ARNT2: variants seen among roughly 807,000 people sequenced by gnomAD.
ARNT2 encodes the protein ARNT protein 2.
A neutral mutation model predicts 91.7 loss-of-function variants in ARNT2; 36 were observed. The ratio of observed to expected loss-of-function variants is 0.39; its 90% CI spans 0.30 to 0.52. ARNT2 has a LOEUF of 0.52. Ranked by LOEUF, ARNT2 falls within the 20% of genes least tolerant of loss-of-function variation. The probability of loss-of-function intolerance (pLI) is 0.72; values close to 1 mark genes in which losing one functional copy is unlikely to be tolerated. For missense variants in ARNT2, 775 were observed against 939.3 expected, an observed-to-expected ratio of 0.83 and a Z score of 2.29; for synonymous variants, 365 against 347.1, an observed-to-expected ratio of 1.05 and a Z score of -0.57.
At chr15:80,490,509 A>C (rs1897040173) in intron 5 of ARNT2, among the ~76,000 whole-genome samples, 1 of 152,230 alleles carries the variant, frequency 6.6e-6, no homozygotes, top group African/African-American at 2.4e-5. Flanking sequence ...CCACGGAAGA[A>C]AGCCTGTTGG....
At chr15:80,446,440 T>C (rs1305857968) in intron 1 of ARNT2, among the ~76,000 whole-genome samples, 1 of 152,196 alleles carries the variant, frequency 6.6e-6, no homozygotes, top group Non-Finnish European at 1.5e-5. Context: ...GAACATGTCC[T>C]ACGTGCCATA....
intron 11 of ARNT2, among the ~76,000 whole-genome samples, chr15:80,562,602 C>T (rs1898386251): frequency 6.6e-6 from 1 of 152,172 alleles, no homozygotes; most frequent in Non-Finnish European, 1.5e-5. Context: ...CCAGAGTCTA[C>T]TGACTCCATT....
intron 8 of ARNT2, among the ~76,000 whole-genome samples, chr15:80,526,146 T>TGTTA (rs1269510410): frequency 6.6e-6 from 1 of 152,244 alleles, no homozygotes; most frequent in Non-Finnish European, 1.5e-5. Flanking sequence ...AAGCCCTTTC[T>TGTTA]GTTACACAGT....
chr15:80,451,104 G>T (rs761406634), intron 2 of ARNT2, 110 bp downstream of exon 2: 77 of 1,080,886 alleles, frequency 7.1e-5, no homozygotes, highest in Non-Finnish European at 1.0e-4. Context: ...AAGCTCAGCA[G>T]TTTGCATCCT....
At chr15:80,592,829 G>T (rs1000124503) in intron 18 of ARNT2, among the ~76,000 whole-genome samples, 1 of 152,204 alleles carries the variant, frequency 6.6e-6, no homozygotes, top group Non-Finnish European at 1.5e-5. Flanking sequence ...ATGCTAAAAA[G>T]AATTCTTGGC....
At chr15:80,506,745 C>G (rs1240997365) in intron 5 of ARNT2, among the ~76,000 whole-genome samples, 2 of 152,190 alleles carry the variant, frequency 1.3e-5, no homozygotes, top group African/African-American at 4.8e-5. Flanking sequence ...GCCAAGGGTC[C>G]CTGGGAGAGA....
chr15:80,588,714 A>G (rs979885461), intron 17 of ARNT2, among the ~76,000 whole-genome samples: 7 of 151,908 alleles, frequency 4.6e-5, no homozygotes, highest in Non-Finnish European at 7.4e-5. Flanking sequence ...CCTTACCTCC[A>G]AGCCCTATAC....
At chr15:80,559,069 G>A (rs908668931) in intron 11 of ARNT2, among the ~76,000 whole-genome samples, 9 of 152,140 alleles carry the variant, frequency 5.9e-5, no homozygotes, top group African/African-American at 2.2e-4. Context: ...AGGTTACAGA[G>A]CCCAGGCCTG....
chr15:80,435,354 G>A (rs1047855913), intron 1 of ARNT2, among the ~76,000 whole-genome samples: 1 of 152,160 alleles, frequency 6.6e-6, no homozygotes, highest in Non-Finnish European at 1.5e-5. Flanking sequence ...CTCCAGGATT[G>A]CGGGCATAGT....
chr15:80,425,606 G>C (rs894572509), intron 1 of ARNT2, among the ~76,000 whole-genome samples: 2 of 152,182 alleles, frequency 1.3e-5, no homozygotes, highest in African/African-American at 4.8e-5. Context: ...TGGGATACAT[G>C]TGCAGAATGT....
At chr15:80,453,953 T>C (rs1896443158) in intron 2 of ARNT2, among the ~76,000 whole-genome samples, 1 of 152,166 alleles carries the variant, frequency 6.6e-6, no homozygotes, top group African/African-American at 2.4e-5. Context: ...CCCACCCTAG[T>C]GTTCCAAAGC....
intron 8 of ARNT2, among the ~76,000 whole-genome samples, chr15:80,536,539 G>T (rs1482664884): frequency 1.3e-5 from 2 of 152,276 alleles, no homozygotes; most frequent in East Asian, 3.9e-4. Context: ...ATATTCACCC[G>T]TGCAAGCTTC....
At chr15:80,521,809 G>A (rs57450847) in intron 8 of ARNT2, among the ~76,000 whole-genome samples, 5,112 of 152,104 alleles carry the variant, frequency 0.034, 167 homozygotes, top group African/African-American at 0.085. Context: ...CATTGCCTCC[G>A]CTGGGTAATG....
chr15:80,418,600 C>T (rs1409126125), intron 1 of ARNT2, among the ~76,000 whole-genome samples: 2 of 152,202 alleles, frequency 1.3e-5, no homozygotes, highest in Non-Finnish European at 2.9e-5. Flanking sequence ...TTGGCCCCTC[C>T]CATGCTCTGG....
At chr15:80,433,361 C>T (rs1249959907) in intron 1 of ARNT2, among the ~76,000 whole-genome samples, 3 of 151,182 alleles carry the variant, frequency 2.0e-5, no homozygotes, top group African/African-American at 7.3e-5. Flanking sequence ...TCTCGGCTCA[C>T]TGCAACCTCT....
At chr15:80,486,941 T>G (rs1372811256) in intron 5 of ARNT2, among the ~76,000 whole-genome samples, 1 of 152,200 alleles carries the variant, frequency 6.6e-6, no homozygotes, top group Non-Finnish European at 1.5e-5. Context: ...TTCACTTTCC[T>G]GCTCTATTCC....
chr15:80,586,197 C>T (rs1443897932), intron 17 of ARNT2, among the ~76,000 whole-genome samples: 1 of 152,086 alleles, frequency 6.6e-6, no homozygotes. Context: ...TGTAGCAGAC[C>T]AGGTTTCAAT....
intron 12 of ARNT2, 45 bp downstream of exon 12, chr15:80,563,284 G>C: frequency 1.2e-6 from 2 of 1,610,938 alleles, no homozygotes; most frequent in Middle Eastern, 1.7e-4. Flanking sequence ...ACATGCGCTT[G>C]CTTGGGTCCA....
intron 8 of ARNT2, among the ~76,000 whole-genome samples, chr15:80,516,828 A>AACATATATATATATATATATATAT (rs1555411355): frequency 6.7e-5 from 5 of 74,800 alleles, no homozygotes; most frequent in Non-Finnish European, 1.3e-4. Flanking sequence ...TACAATTACA[A>AACATATATATATATATATATATAT]ATATATATAT....
Sources: gnomAD v4.1 joint callset for allele counts (sites outside exome capture counted in the v4.1 genomes callset) on GRCh38, gnomAD v4.1.1 for gene constraint, MANE v1.5 for transcripts, NCBI Gene and HGNC (gene_info 2026-07-23, HGNC 2026-07-21) for gene names.